NALCN: variants seen among roughly 807,000 people sequenced by gnomAD.
NALCN encodes sodium leak channel, non-selective, also known as sodium leak channel NALCN.
A neutral mutation model predicts 225.3 loss-of-function variants in NALCN; 111 were observed. That is an observed-to-expected ratio of 0.49 (90% CI 0.42 to 0.58). The LOEUF (loss-of-function observed/expected upper bound fraction) is 0.58. NALCN is among the 20% of genes least tolerant of loss of function. The pLI is 0.00. For synonymous variants in NALCN, 764 were observed against 769.0 expected, an observed-to-expected ratio of 0.99 and a Z score of 0.11; for missense variants, 1,378 against 2,202.4, an observed-to-expected ratio of 0.63 and a Z score of 7.49.
intron 43 of NALCN, chr13:101,057,642 C>G (rs2031428641): frequency 2.5e-6 from 1 of 395,748 alleles, no homozygotes; most frequent in Non-Finnish European, 4.7e-6. Flanking sequence ...TTGAGGCACA[C>G]AGAAAGCCCT....
intron 18 of NALCN, among the ~76,000 whole-genome samples, chr13:101,121,494 G>A (rs2035970518): frequency 6.6e-6 from 1 of 152,076 alleles, no homozygotes; most frequent in South Asian, 2.1e-4. Context: ...GAATGATCCA[G>A]CTCAGGTCTC....
chr13:101,241,432 T>C (rs1388663923), intron 11 of NALCN, among the ~76,000 whole-genome samples: 1 of 151,988 alleles, frequency 6.6e-6, no homozygotes, highest in South Asian at 2.1e-4. Context: ...ACAGATAACA[T>C]GATAACCTTT....
At chr13:101,332,843 T>C (rs1437670950) in intron 7 of NALCN, among the ~76,000 whole-genome samples, 3 of 147,126 alleles carry the variant, frequency 2.0e-5, no homozygotes, top group African/African-American at 5.4e-5. Flanking sequence ...AACAAAGTTA[T>C]AGTAAAAAAG....
At chr13:101,235,085 T>C (rs2041503647) in intron 12 of NALCN, among the ~76,000 whole-genome samples, 1 of 151,678 alleles carries the variant, frequency 6.6e-6, no homozygotes, top group Non-Finnish European at 1.5e-5. Context: ...CATACATATA[T>C]GTAGTTATGT....
intron 7 of NALCN, among the ~76,000 whole-genome samples, chr13:101,330,697 G>T (rs1199662125): frequency 6.6e-6 from 1 of 152,162 alleles, no homozygotes; most frequent in Non-Finnish European, 1.5e-5. Context: ...ATCTTGAATT[G>T]TAGCTCCCAT....
At chr13:101,380,084 C>CATAT (rs58967712) in intron 3 of NALCN, among the ~76,000 whole-genome samples, 35 of 151,714 alleles carry the variant, frequency 2.3e-4, no homozygotes, top group South Asian at 2.3e-3. Flanking sequence ...TATATATACA[C>CATAT]ATATATACAT....
At chr13:101,328,579 G>A (rs1179827977) in intron 7 of NALCN, among the ~76,000 whole-genome samples, 1 of 152,042 alleles carries the variant, frequency 6.6e-6, no homozygotes, top group Admixed American at 6.5e-5. Context: ...ATAGACATAG[G>A]TTTGTCTCCT....
chr13:101,201,043 T>C (rs1233325095), intron 13 of NALCN, among the ~76,000 whole-genome samples: 1 of 152,186 alleles, frequency 6.6e-6, no homozygotes, highest in East Asian at 1.9e-4. Context: ...CCCAAGCACA[T>C]AGATATGCTT....
chr13:101,090,031 G>A (rs926188304), intron 28 of NALCN, 65 bp from the exon 29 acceptor site: 27 of 1,605,916 alleles, frequency 1.7e-5, no homozygotes, highest in Non-Finnish European at 2.1e-5. Context: ...GCAAATATCT[G>A]TAGCCCTTTC....
intron 14 of NALCN, among the ~76,000 whole-genome samples, chr13:101,186,646 AAAT>A (rs1250340218): frequency 6.6e-6 from 1 of 152,116 alleles, no homozygotes; most frequent in Non-Finnish European, 1.5e-5. Flanking sequence ...ATCATTTAAA[AAAT>A]AATTTAGAAA....
intron 7 of NALCN, among the ~76,000 whole-genome samples, chr13:101,299,197 T>C (rs1016270914): frequency 2.6e-5 from 4 of 152,216 alleles, no homozygotes; most frequent in African/African-American, 9.6e-5. Flanking sequence ...AGCTTATTTC[T>C]TTTTAAAATT....
At chr13:101,300,335 C>T (rs550293419) in intron 7 of NALCN, among the ~76,000 whole-genome samples, 2 of 142,958 alleles carry the variant, frequency 1.4e-5, no homozygotes, top group South Asian at 4.5e-4. Flanking sequence ...TTCCTTCCTT[C>T]CTTCTTTTTC....
intron 11 of NALCN, among the ~76,000 whole-genome samples, chr13:101,239,793 T>C (rs2390575): frequency 0.26 from 39,350 of 152,026 alleles, 6,352 homozygotes; most frequent in Non-Finnish European, 0.36. Flanking sequence ...TTAGTGTGTT[T>C]TAAATTTAGA....
At chr13:101,321,531 A>G (rs752876268) in intron 7 of NALCN, among the ~76,000 whole-genome samples, 1 of 152,154 alleles carries the variant, frequency 6.6e-6, no homozygotes, top group Non-Finnish European at 1.5e-5. Context: ...ATTAAAAATT[A>G]AAAATGTGCA....
intron 15 of NALCN, among the ~76,000 whole-genome samples, chr13:101,147,619 G>A (rs1040005323): frequency 1.3e-5 from 2 of 152,092 alleles, no homozygotes; most frequent in Non-Finnish European, 2.9e-5. Context: ...GCCCAGGCTG[G>A]CCTCAAACTC....
chr13:101,267,476 C>A (rs1187542535), intron 10 of NALCN, among the ~76,000 whole-genome samples: 1 of 152,206 alleles, frequency 6.6e-6, no homozygotes, highest in African/African-American at 2.4e-5. Context: ...GCAGTATCCT[C>A]CACACCAACT....
intron 37 of NALCN, among the ~76,000 whole-genome samples, chr13:101,072,271 TAAAAATGCAATGTCTGC>T (rs2139459830): frequency 6.6e-6 from 1 of 152,300 alleles, no homozygotes; most frequent in East Asian, 1.9e-4. Flanking sequence ...CTTCAACTTG[TAAAAATGCAATGTCTGC>T]AAAAGGCAAT....
chr13:101,388,560 G>A (rs2047057270), intron 3 of NALCN, among the ~76,000 whole-genome samples: 1 of 152,022 alleles, frequency 6.6e-6, no homozygotes, highest in East Asian at 1.9e-4. Context: ...TTTAACTATT[G>A]ATTCAACTTC....
intron 18 of NALCN, among the ~76,000 whole-genome samples, chr13:101,121,647 ATTTC>A (rs2035978516): frequency 6.6e-6 from 1 of 152,178 alleles, no homozygotes; most frequent in Admixed American, 6.5e-5. Flanking sequence ...TCTCTTCCAG[ATTTC>A]TTTTATTTAT....
Sources: allele counts gnomAD v4.1 joint callset (sites outside exome capture counted in the v4.1 genomes callset), GRCh38; gene constraint gnomAD v4.1.1; transcripts MANE v1.5; gene names NCBI Gene and HGNC (gene_info 2026-07-23, HGNC 2026-07-21).